Variants in DLC1 observed in about 807,000 individuals in gnomAD.
DLC1 encodes the protein rho GTPase-activating protein 7.
DLC1 carries 54 observed loss-of-function variants against 140.3 expected under a neutral mutation model. The observed-to-expected ratio is 0.38, with a 90% confidence interval of 0.31 to 0.48. DLC1 has a LOEUF of 0.48. Ranked by LOEUF, DLC1 falls within the 20% of genes least tolerant of loss-of-function variation. DLC1 has a pLI of 0.96. For synonymous variants in DLC1, 986 were observed against 728.1 expected (o/e 1.35, Z -5.70); for missense variants, 2,536 against 1,907.0 (o/e 1.33, Z -6.14).
chr8:13,500,132 A>T lies in DLC1; in HGVS notation c.-61T>A, dbSNP rs1473707926. ...TCCATATGAGGGTAAAGGAGATGGA[A>T]CTTGATGAAAGATTATTTCAAAATC... On this transcript the variant is annotated 5_prime_UTR_variant, in exon 2 of 18. Coordinates refer to ENST00000276297, the MANE Select transcript of DLC1 (RefSeq NM_182643.3). 2 of 1,378,788 alleles carry T rather than the reference A, an allele frequency of 1.5e-6. No individual in the cohort carries two copies. Among genetic ancestry groups the T allele is most frequent in the African/African-American group, 1.4e-5 (1 of 69,810 alleles). 85.4% of individuals were successfully genotyped at this position (1,378,788 alleles called of 1,614,324 possible). A position where few individuals can be genotyped will look rare whatever the true frequency, so the allele number is the denominator to read the frequency against.
intron 1 of DLC1, among the ~76,000 whole-genome samples, chr8:13,580,810 T>C (rs374317523): frequency 1.3e-5 from 2 of 152,242 alleles, no homozygotes; most frequent in African/African-American, 4.8e-5. Flanking sequence ...TGAAAAGGTT[T>C]ACTATGCTCA....
At chr8:13,191,926 GATTATTATTATTATT>G (rs143940185) in intron 5 of DLC1, among the ~76,000 whole-genome samples, 1 of 141,926 alleles carries the variant, frequency 7.0e-6, no homozygotes, top group Non-Finnish European at 1.5e-5. Flanking sequence ...GGAGTGGCCT[GATTATTATTATTATT>G]ATTATTATTA....
At chr8:13,322,635 TA>T (rs1026145493) in intron 4 of DLC1, among the ~76,000 whole-genome samples, 41 of 152,206 alleles carry the variant, frequency 2.7e-4, no homozygotes, top group African/African-American at 9.9e-4. Flanking sequence ...TTCCAAATTT[TA>T]AATAATTTTT....
intron 5 of DLC1, among the ~76,000 whole-genome samples, chr8:13,152,007 G>A (rs966966413): frequency 2.0e-5 from 3 of 152,124 alleles, no homozygotes; most frequent in Admixed American, 1.3e-4. Flanking sequence ...TCTATCTATT[G>A]CTGTGTCATA....
At chr8:13,246,779 A>G (rs1829782960) in intron 5 of DLC1, among the ~76,000 whole-genome samples, 1 of 152,128 alleles carries the variant, frequency 6.6e-6, no homozygotes, top group African/African-American at 2.4e-5. Flanking sequence ...GATAGTCTAC[A>G]GAGTAGGGCT....
chr8:13,090,812 T>TC (rs1399333647), intron 14 of DLC1, among the ~76,000 whole-genome samples: 16 of 150,360 alleles, frequency 1.1e-4, no homozygotes, highest in African/African-American at 1.5e-4. Flanking sequence ...TTTCTTTCTT[T>TC]TTTTTTTTTT....
chr8:13,523,631 A>G (rs578156308), intron 1 of DLC1, among the ~76,000 whole-genome samples: 1 of 152,286 alleles, frequency 6.6e-6, no homozygotes, highest in East Asian at 1.9e-4. Flanking sequence ...CAAATACCTA[A>G]TTGGCTATTA....
At chr8:13,560,947 CA>C (rs2117380870) in intron 1 of DLC1, among the ~76,000 whole-genome samples, 2 of 151,994 alleles carry the variant, frequency 1.3e-5, no homozygotes, top group South Asian at 2.1e-4. Context: ...ATATCCTTTA[CA>C]AAAAGGTCAC....
intron 7 of DLC1, among the ~76,000 whole-genome samples, chr8:13,106,011 C>A (rs528218493): frequency 4.6e-5 from 7 of 152,328 alleles, no homozygotes; most frequent in East Asian, 1.9e-4. Context: ...CCTTTCCCAT[C>A]CCCCTAAGGA....
intron 5 of DLC1, among the ~76,000 whole-genome samples, chr8:13,178,090 A>G (rs988917147): frequency 2.6e-5 from 4 of 152,178 alleles, no homozygotes; most frequent in African/African-American, 9.7e-5. Flanking sequence ...ATATATCTGT[A>G]TAGGGAAAAA....
chr8:13,293,309 AATTT>A (rs1449592518), intron 5 of DLC1, among the ~76,000 whole-genome samples: 2 of 152,234 alleles, frequency 1.3e-5, no homozygotes, highest in Non-Finnish European at 2.9e-5. Context: ...AAAAAGAGAT[AATTT>A]ATTTAGTCAA....
At chr8:13,363,648 A>T (rs1302943632) in intron 4 of DLC1, among the ~76,000 whole-genome samples, 1 of 152,160 alleles carries the variant, frequency 6.6e-6, no homozygotes, top group Non-Finnish European at 1.5e-5. Flanking sequence ...GTTCTCCCCC[A>T]TAAAATTGAA....
At chr8:13,178,091 T>G (rs1024244799) in intron 5 of DLC1, among the ~76,000 whole-genome samples, 1 of 152,128 alleles carries the variant, frequency 6.6e-6, no homozygotes, top group East Asian at 1.9e-4. Flanking sequence ...TATATCTGTA[T>G]AGGGAAAAAC....
intron 9 of DLC1, among the ~76,000 whole-genome samples, 166 bp from the exon 10 acceptor site, chr8:13,098,741 G>A (rs953576645): frequency 6.6e-6 from 1 of 152,156 alleles, no homozygotes; most frequent in Non-Finnish European, 1.5e-5. Flanking sequence ...TCAGCCTCCT[G>A]AGTAGCCAGG....
At chr8:13,305,834 C>T (rs75460670) in intron 4 of DLC1, among the ~76,000 whole-genome samples, 11,669 of 151,820 alleles carry the variant, frequency 0.077, 506 homozygotes, top group South Asian at 0.098. Context: ...CAGACCCCAT[C>T]GCAAACAAAC....
chr8:13,477,620 A>G (rs1800492974), intron 2 of DLC1, among the ~76,000 whole-genome samples: 1 of 152,258 alleles, frequency 6.6e-6, no homozygotes. Flanking sequence ...AAATCTGATT[A>G]GACTGTGTAG....
Position 13,100,185 on chromosome 8 carries a change from C to A in DLC1, c.2152G>T (p.Ala718Ser). 1 of 1,613,954 alleles carries A rather than the reference C, an allele frequency of 6.2e-7. No individual in the cohort carries two copies. The highest frequency in any genetic ancestry group is 1.1e-5 in the South Asian group (1 of 91,082). The change falls in exon 9 of 18, where the codon GCC becomes TCC. Residue 718 changes from alanine (A) to serine (S), a missense_variant. By Grantham distance (99) the Ala-to-Ser change is moderately conservative. Coordinates refer to ENST00000276297, the MANE Select transcript of DLC1 (RefSeq NM_182643.3). ...ACGTTGATGCGGTTGCCATTGAGGG[C>A]GGAGATCTCCACGCAGTTGAGCTGC... The part of the protein sequence containing the change: ...LKQLNCVEIS[A>S]LNGNRINVPM...
intron 5 of DLC1, among the ~76,000 whole-genome samples, chr8:13,154,296 G>C (rs898434668): frequency 3.9e-5 from 6 of 152,180 alleles, no homozygotes; most frequent in African/African-American, 1.4e-4. Flanking sequence ...AGCCCGCTGC[G>C]GTGGGGGCTC....
chr8:13,409,564 A>G (rs1418502458), intron 2 of DLC1, among the ~76,000 whole-genome samples: 1 of 152,182 alleles, frequency 6.6e-6, no homozygotes, highest in Non-Finnish European at 1.5e-5. Flanking sequence ...TTTATCTGAA[A>G]TTAAAGTGTA....
Sources: allele counts gnomAD v4.1 joint callset (sites outside exome capture counted in the v4.1 genomes callset), GRCh38; gene constraint gnomAD v4.1.1; transcripts MANE v1.5; gene names NCBI Gene and HGNC (gene_info 2026-07-23, HGNC 2026-07-21).